The following TRPM6 variants were observed in gnomAD, a reference collection of about 807,000 sequenced individuals.
TRPM6 encodes transient receptor potential cation channel subfamily M member 6.
TRPM6 carries 111 observed loss-of-function variants against 247.6 expected under a neutral mutation model. The ratio of observed to expected loss-of-function variants is 0.45; its 90% CI spans 0.38 to 0.52. The LOEUF is 0.52. Ranked by LOEUF, TRPM6 falls within the 20% of genes least tolerant of loss-of-function variation. The pLI, the probability that TRPM6 is intolerant of heterozygous loss-of-function variation, is 0.00. For missense variants in TRPM6, 2,126 were observed against 2,421.5 expected, an observed-to-expected ratio of 0.88 and a Z score of 2.56; for synonymous variants, 892 against 853.8, an observed-to-expected ratio of 1.04 and a Z score of -0.78.
intron 6 of TRPM6, among the ~76,000 whole-genome samples, chr9:74,831,485 A>G (rs1268900309): frequency 6.6e-6 from 1 of 152,104 alleles, no homozygotes; most frequent in Non-Finnish European, 1.5e-5. Flanking sequence ...GCAAGACTCC[A>G]TCTCTGGGAA....
At chr9:74,744,228 T>C (rs2118756639) in intron 31 of TRPM6, 83 bp from the exon 32 acceptor site, 2 of 1,425,494 alleles carry the variant, frequency 1.4e-6, no homozygotes, top group Admixed American at 3.3e-5. Flanking sequence ...TTCAAAGTTA[T>C]TATTGAACAG....
chr9:74,794,442 G>A (rs1030903229), intron 18 of TRPM6, among the ~76,000 whole-genome samples: 2 of 151,932 alleles, frequency 1.3e-5, no homozygotes, highest in African/African-American at 4.8e-5. Context: ...TTTCACTTTG[G>A]GCAGTGAGGT....
intron 27 of TRPM6, 84 bp from the exon 28 acceptor site, chr9:74,755,557 G>A (rs930969368): frequency 6.4e-7 from 1 of 1,555,966 alleles, no homozygotes; most frequent in African/African-American, 1.4e-5. Flanking sequence ...CCATGGTGAA[G>A]GGCAGTGTCT....
intron 1 of TRPM6, among the ~76,000 whole-genome samples, chr9:74,869,932 A>T (rs1456365463): frequency 6.6e-6 from 1 of 152,208 alleles, no homozygotes; most frequent in Non-Finnish European, 1.5e-5. Context: ...AATTTGCCCA[A>T]GACCTTATTA....
At chr9:74,758,783 T>G (rs975350929) in intron 27 of TRPM6, among the ~76,000 whole-genome samples, 1 of 152,156 alleles carries the variant, frequency 6.6e-6, no homozygotes. Flanking sequence ...TTCTGTTCAG[T>G]GTAATCAGGC....
At chr9:74,736,052 C>A (rs1006871279) in intron 36 of TRPM6, among the ~76,000 whole-genome samples, 2 of 152,214 alleles carry the variant, frequency 1.3e-5, no homozygotes, top group Non-Finnish European at 2.9e-5. Context: ...GGACTCCCTG[C>A]AACTGCAGAT....
At chr9:74,748,081 C>G (rs374785282) in intron 30 of TRPM6, among the ~76,000 whole-genome samples, 167 bp from the exon 31 acceptor site, 1 of 152,180 alleles carries the variant, frequency 6.6e-6, no homozygotes, top group Non-Finnish European at 1.5e-5. Context: ...TGGTCAACAA[C>G]AGACAGCATA....
intron 33 of TRPM6, among the ~76,000 whole-genome samples, chr9:74,741,237 T>C (rs1278313300): frequency 6.6e-6 from 1 of 152,148 alleles, no homozygotes; most frequent in Non-Finnish European, 1.5e-5. Context: ...GTGTTTAATG[T>C]TTCTTAACAG....
intron 1 of TRPM6, among the ~76,000 whole-genome samples, chr9:74,874,976 G>A (rs1045316176): frequency 6.6e-6 from 1 of 151,240 alleles, no homozygotes; most frequent in Non-Finnish European, 1.5e-5. Flanking sequence ...TATTGGCCAG[G>A]CTGGTCTCAA....
At chr9:74,885,635 T>C (rs1166963590) in intron 1 of TRPM6, among the ~76,000 whole-genome samples, 1 of 152,238 alleles carries the variant, frequency 6.6e-6, no homozygotes, top group East Asian at 1.9e-4. Flanking sequence ...ATAGTTGCCA[T>C]GTAGACTTCT....
chr9:74,801,212 A>G (rs1296357082), intron 16 of TRPM6, among the ~76,000 whole-genome samples: 2 of 147,352 alleles, frequency 1.4e-5, no homozygotes, highest in Non-Finnish European at 3.0e-5. Flanking sequence ...TGCTGAGATT[A>G]AAGGTGTGAG....
intron 1 of TRPM6, among the ~76,000 whole-genome samples, chr9:74,882,316 G>A (rs544180708): frequency 6.6e-6 from 1 of 152,108 alleles, no homozygotes; most frequent in Non-Finnish European, 1.5e-5. Flanking sequence ...AAAATGAAGA[G>A]ACAATCTGTT....
chr9:74,776,702 C>T (rs138476016), intron 23 of TRPM6, among the ~76,000 whole-genome samples: 1 of 152,152 alleles, frequency 6.6e-6, no homozygotes, highest in African/African-American at 2.4e-5. Context: ...ATAGAACTTG[C>T]CATGGGGGTA....
chr9:74,887,356 C>T (rs1363368325), intron 1 of TRPM6: 1 of 1,393,054 alleles, frequency 7.2e-7, no homozygotes, highest in Admixed American at 3.1e-5. Context: ...GCCGCGACCC[C>T]CGGCTAGTCA....
intron 17 of TRPM6, 23 bp from the exon 18 acceptor site, chr9:74,796,916 A>G: frequency 6.2e-7 from 1 of 1,603,964 alleles, no homozygotes; most frequent in Non-Finnish European, 8.5e-7. Flanking sequence ...AAAAAGCAAA[A>G]CAAAGTAGTA....
At chr9:74,859,773 C>CAAAA (rs946269078) in intron 1 of TRPM6, among the ~76,000 whole-genome samples, 2 of 76,056 alleles carry the variant, frequency 2.6e-5, no homozygotes, top group Non-Finnish European at 2.9e-5. Context: ...GACTCTGTCT[C>CAAAA]AAAAAAAAAA....
Position 74,851,045 on chromosome 9 carries a change from G to A in TRPM6, c.152+4482C>T, listed in dbSNP as rs1326019928. 2.0e-5 allele frequency among the ~76,000 whole-genome samples: 3 copies of A among 152,196 alleles called. No homozygotes were observed. The East Asian group carries it at 5.8e-4, about 29-fold the overall frequency. Reference sequence around the variant, plus strand: ...AGGCAGTTCTTTAGTGCAAACCAACGTTCAGCTTAAGTATATTTCTATTCT... The same window carrying A: ...AGGCAGTTCTTTAGTGCAAACCAACATTCAGCTTAAGTATATTTCTATTCT... On this transcript the variant is annotated intron_variant, in intron 3 of 38. Transcript: ENST00000360774.
At chr9:74,776,919 T>G (rs773468624) in intron 23 of TRPM6, among the ~76,000 whole-genome samples, 1 of 152,208 alleles carries the variant, frequency 6.6e-6, no homozygotes, top group African/African-American at 2.4e-5. Flanking sequence ...AGAGTAGAAC[T>G]GGAGGAAGGC....
At chr9:74,731,355 A>C (rs959331866) in intron 37 of TRPM6, among the ~76,000 whole-genome samples, 7 of 152,148 alleles carry the variant, frequency 4.6e-5, no homozygotes, top group Admixed American at 2.0e-4. Flanking sequence ...ACTACTGAAG[A>C]AATAATATTC....
Sources: gnomAD v4.1 joint callset for allele counts (sites outside exome capture counted in the v4.1 genomes callset) on GRCh38, gnomAD v4.1.1 for gene constraint, MANE v1.5 for transcripts, NCBI Gene and HGNC (gene_info 2026-07-23, HGNC 2026-07-21) for gene names.